The following EIF3L variants were observed in gnomAD, a reference collection of about 807,000 sequenced individuals.
EIF3L encodes eIEF associated protein HSPC021.
In EIF3L, 32 loss-of-function variants were observed where a neutral mutation model predicts 74.6. The ratio of observed to expected loss-of-function variants is 0.43; its 90% CI spans 0.32 to 0.58. The LOEUF is 0.58. EIF3L is among the 20% of genes least tolerant of loss of function. The probability of loss-of-function intolerance (pLI) is 0.06; values close to 1 mark genes in which losing one functional copy is unlikely to be tolerated. For synonymous variants in EIF3L, 256 were observed against 254.4 expected, an observed-to-expected ratio of 1.01 and a Z score of -0.06; for missense variants, 474 against 707.8, an observed-to-expected ratio of 0.67 and a Z score of 3.75.
intron 7 of EIF3L, 113 bp from the exon 8 acceptor site, chr22:37,870,063 C>G: frequency 1.1e-6 from 1 of 872,972 alleles, no homozygotes; most frequent in Non-Finnish European, 1.7e-6. Context: ...GGTCATCTCA[C>G]CCTCACCTTG....
At chr22:37,873,947 G>A (rs1293297600) in intron 8 of EIF3L, among the ~76,000 whole-genome samples, 1 of 152,136 alleles carries the variant, frequency 6.6e-6, no homozygotes, top group Non-Finnish European at 1.5e-5. Flanking sequence ...CCTGATTTAT[G>A]CTTAAGTTGA....
chr22:37,871,480 A>G (rs1555915888), intron 8 of EIF3L, among the ~76,000 whole-genome samples: 1 of 151,268 alleles, frequency 6.6e-6, no homozygotes, highest in Non-Finnish European at 1.5e-5. Flanking sequence ...AAAAGTATTT[A>G]AAAGATTATA....
chr22:37,867,049 T>C (rs1400328274), intron 7 of EIF3L, among the ~76,000 whole-genome samples: 1 of 152,182 alleles, frequency 6.6e-6, no homozygotes, highest in African/African-American at 2.4e-5. Context: ...TGTTTCTTTG[T>C]TTAAGAGATG....
intron 4 of EIF3L, among the ~76,000 whole-genome samples, chr22:37,858,219 CTT>C (rs549425262): frequency 2.7e-4 from 23 of 85,102 alleles, no homozygotes; most frequent in African/African-American, 7.8e-4. Flanking sequence ...TTCTTTCTTC[CTT>C]TTTTTTTTTT....
At chr22:37,856,370 C>A (rs1326336661) in intron 4 of EIF3L, among the ~76,000 whole-genome samples, 1 of 152,142 alleles carries the variant, frequency 6.6e-6, no homozygotes, top group Non-Finnish European at 1.5e-5. Context: ...AGCCACCGCA[C>A]CCAGCCTGCC....
At chr22:37,875,703 C>T (rs548853920) in intron 9 of EIF3L, 138 bp from the exon 10 acceptor site, 32 of 694,342 alleles carry the variant, frequency 4.6e-5, no homozygotes, top group East Asian at 3.9e-4. Context: ...TAGGAAGATC[C>T]GCTCTCAAAC....
intron 4 of EIF3L, among the ~76,000 whole-genome samples, chr22:37,856,180 A>G (rs984279822): frequency 1.3e-5 from 2 of 151,822 alleles, no homozygotes; most frequent in African/African-American, 4.8e-5. Flanking sequence ...AGGTTCAAGC[A>G]ATTCTCCTAC....
At chr22:37,862,607 G>A (rs181164816) in intron 5 of EIF3L, among the ~76,000 whole-genome samples, 5 of 152,254 alleles carry the variant, frequency 3.3e-5, no homozygotes, top group Middle Eastern at 3.4e-3. Context: ...AGTGATGCCC[G>A]GTGCAGCATT....
intron 11 of EIF3L, 74 bp downstream of exon 11, chr22:37,878,245 A>T: frequency 6.6e-7 from 1 of 1,504,334 alleles, no homozygotes; most frequent in Non-Finnish European, 8.9e-7. Context: ...TGGGCACATG[A>T]AGTATATCGG....
At chr22:37,876,286 C>A in intron 10 of EIF3L, 1 of 301,444 alleles carries the variant, frequency 3.3e-6, no homozygotes, top group Non-Finnish European at 6.1e-6. Context: ...CACACAACAA[C>A]ACCGGCTAAT....
chr22:37,886,823 G>A lies in EIF3L; in HGVS notation c.1634G>A (p.Arg545His). 6.2e-7 allele frequency: 1 copy of A among 1,610,394 alleles called. No individual in the cohort carries two copies. Among genetic ancestry groups the A allele is most frequent in the Non-Finnish European group, 8.5e-7 (1 of 1,177,482 alleles). ...VARRYGDFFI[R>H]QIHKFEELNR... ...AGGCGTTATGGGGATTTCTTCATCC[G>A]TCAGATCCACAAATTTGAGGAGGTG... is the stretch of plus-strand genomic sequence containing the variant. Residue 545 changes from arginine to histidine, a missense_variant, in exon 12 of 13, where the codon CGT becomes CAT. By Grantham distance (29) the Arg-to-His change is conservative. Coordinates refer to ENST00000652021, the MANE Select transcript of EIF3L (RefSeq NM_016091.4).
intron 7 of EIF3L, 134 bp from the exon 8 acceptor site, chr22:37,870,042 G>A (rs1926388331): frequency 6.0e-6 from 4 of 663,420 alleles, no homozygotes; most frequent in Non-Finnish European, 1.0e-5. Context: ...GAATGGTTTA[G>A]AATGAGAAGT....
chr22:37,876,295 ATTTTTTTTT>A (rs146250173), intron 10 of EIF3L: 4 of 110,442 alleles, frequency 3.6e-5, no homozygotes, highest in Admixed American at 2.4e-4. Flanking sequence ...ACACCGGCTA[ATTTTTTTTT>A]TTTTTTTTTT....
chr22:37,870,697 A>T (rs966128443), intron 8 of EIF3L, among the ~76,000 whole-genome samples: 3 of 152,090 alleles, frequency 2.0e-5, no homozygotes, highest in African/African-American at 7.3e-5. Flanking sequence ...TATCTATTTT[A>T]AAAAATTTTT....
intron 4 of EIF3L, among the ~76,000 whole-genome samples, chr22:37,856,669 A>G (rs1037864824): frequency 2.0e-5 from 3 of 151,814 alleles, no homozygotes; most frequent in Admixed American, 6.6e-5. Flanking sequence ...ACGTGGAGAA[A>G]CCCCATCTCT....
At chr22:37,858,880 G>T (rs62235089) in intron 5 of EIF3L, 140 bp downstream of exon 5, 3 of 748,098 alleles carry the variant, frequency 4.0e-6, no homozygotes, top group African/African-American at 1.8e-5. Flanking sequence ...TTTAAGAAGC[G>T]GTGGAAGGAA....
chr22:37,873,713 A>G (rs1387925989), intron 8 of EIF3L, among the ~76,000 whole-genome samples: 1 of 151,838 alleles, frequency 6.6e-6, no homozygotes, highest in African/African-American at 2.4e-5. Flanking sequence ...ACTTCCATAG[A>G]TCTCAGTCTC....
intron 11 of EIF3L, chr22:37,884,667 C>T (rs546067683): frequency 3.9e-5 from 6 of 152,092 alleles, no homozygotes; most frequent in African/African-American, 9.6e-5. Context: ...AGCCAGGCTT[C>T]GTAGCGTGTA....
rs750216241 is a variant in EIF3L at position 37,878,182 on chromosome 22, C to T, written c.1575+11C>T. ...TTCTACATTGATAAGGTATGCCTGTCCCCTGGGCTTGGGGTCTTGTATTAA... is the reference window on the plus strand; with the variant it reads ...TTCTACATTGATAAGGTATGCCTGTTCCCTGGGCTTGGGGTCTTGTATTAA... On this transcript the variant is annotated intron_variant, in intron 11 of 12. Coordinates refer to ENST00000652021, the MANE Select transcript of EIF3L (RefSeq NM_016091.4). 1.1e-5 allele frequency: 17 copies of T among 1,586,204 alleles called. No individual in the cohort carries two copies. The South Asian group carries it at 1.4e-4, about 13-fold the overall frequency.
Sources: gnomAD v4.1 joint callset for allele counts (sites outside exome capture counted in the v4.1 genomes callset) on GRCh38, gnomAD v4.1.1 for gene constraint, MANE v1.5 for transcripts, NCBI Gene and HGNC (gene_info 2026-07-23, HGNC 2026-07-21) for gene names.